The following GINS2 variants were observed in gnomAD, a reference collection of about 807,000 sequenced individuals.
GINS2 encodes the protein DNA replication complex GINS protein PSF2.
GINS2 carries 23 observed loss-of-function variants against 21.2 expected under a neutral mutation model. The observed-to-expected ratio is 1.08, with a 90% CI of 0.78 to 1.53. The LOEUF is 1.53. Among genes scored for constraint, GINS2 ranks in the 40% most tolerant of loss-of-function variants. The pLI, the probability that GINS2 is intolerant of heterozygous loss-of-function variation, is 0.00. For missense variants in GINS2, 323 were observed against 233.9 expected (o/e 1.38, Z -2.49); for synonymous variants, 118 against 85.6 (o/e 1.38, Z -2.09).
At chr16:85,678,953 C>G (rs1328360929) in intron 3 of GINS2, among the ~76,000 whole-genome samples, 1 of 152,196 alleles carries the variant, frequency 6.6e-6, no homozygotes, top group Non-Finnish European at 1.5e-5. Context: ...AAGTCAGAAG[C>G]CTCTGTCTCA....
chr16:85,685,216 A>G (rs2053764563), intron 2 of GINS2, among the ~76,000 whole-genome samples: 1 of 152,216 alleles, frequency 6.6e-6, no homozygotes, highest in South Asian at 2.1e-4. Flanking sequence ...AAAAAGTTCA[A>G]GGGGAACTCT....
Position 85,685,714 on chromosome 16 carries a change from G to C in GINS2, c.205+1746C>G, listed in dbSNP as rs529612877. On this transcript the variant is annotated intron_variant, in intron 2 of 4. Transcript: ENST00000253462. ...AAACCGTCTCAAAGCAGAGGAACTG[G>C]GGTTTCCCATTATGTTTCAGGACTA... 1.6e-3 allele frequency among the ~76,000 whole-genome samples: 197 copies of C among 124,910 alleles called. 2 individuals are homozygous for C. Among genetic ancestry groups the C allele is most frequent in the African/African-American group, 5.4e-3 (187 of 34,860 alleles). The allele number at this position is 124,910 out of a possible 152,430, so 81.9% of individuals were successfully genotyped here.
rs778159387 is a variant in GINS2, at chr16:85,678,261, A to G, written c.509T>C (p.Leu170Pro). 1.9e-6 allele frequency: 3 copies of G among 1,613,108 alleles called. No homozygotes were observed. Among genetic ancestry groups the G allele is most frequent in the Non-Finnish European group, 2.5e-6 (3 of 1,179,244 alleles). ...CTCCAGAGGCTGGAGGTTCGTGCGG[A>G]GTTTGTACATGTGGTTGAGCGCTTG... ...LTQALNHMYK[L>P]RTNLQPLEST... The change falls in exon 5 of 5, where the codon CTC (leucine) becomes CCC (proline). Residue 170 changes from leucine (L) to proline (P), a missense_variant. Leu to Pro is a moderately conservative substitution (Grantham distance 98). Coordinates refer to ENST00000253462, the MANE Select transcript of GINS2 (RefSeq NM_016095.3).
At chr16:85,681,941 CA>C (rs1441013324) in intron 2 of GINS2, among the ~76,000 whole-genome samples, 8 of 150,058 alleles carry the variant, frequency 5.3e-5, no homozygotes, top group African/African-American at 2.0e-4. Flanking sequence ...ATGTTAGAGT[CA>C]AAAGTTTGAT....
intron 3 of GINS2, 106 bp from the exon 4 acceptor site, chr16:85,678,772 A>T: frequency 9.1e-7 from 1 of 1,095,002 alleles, no homozygotes; most frequent in Non-Finnish European, 1.3e-6. Flanking sequence ...TTCCAGACTC[A>T]GAAAGTCTGT....
intron 4 of GINS2, 26 bp from the exon 5 acceptor site, chr16:85,678,363 G>A (rs955310512): frequency 3.1e-6 from 5 of 1,611,376 alleles, no homozygotes; most frequent in Non-Finnish European, 4.2e-6. Context: ...AGACCAAGTT[G>A]GCCAAGGAGT....
intron 4 of GINS2, 79 bp from the exon 5 acceptor site, chr16:85,678,416 A>G (rs2053703704): frequency 6.4e-7 from 1 of 1,568,910 alleles, no homozygotes; most frequent in African/African-American, 1.4e-5. Flanking sequence ...AATAAAAATA[A>G]GAAACCAATG....
At chr16:85,688,539 C>T (rs985807824) in intron 1 of GINS2, among the ~76,000 whole-genome samples, 12 of 152,200 alleles carry the variant, frequency 7.9e-5, no homozygotes, top group African/African-American at 1.7e-4. Context: ...GAGTGACACT[C>T]CACCTCAAAA....
At chr16:85,686,024 A>G (rs1340142294) in intron 2 of GINS2, among the ~76,000 whole-genome samples, 1 of 148,042 alleles carries the variant, frequency 6.8e-6, no homozygotes, top group African/African-American at 2.5e-5. Context: ...TTTTTTCCCT[A>G]TAATAAGCTA....
intron 3 of GINS2, among the ~76,000 whole-genome samples, chr16:85,680,148 G>A (rs1010879649): frequency 2.0e-4 from 30 of 152,196 alleles, no homozygotes; most frequent in African/African-American, 6.3e-4. Flanking sequence ...CATCTCTCCC[G>A]CACCACACCA....
intron 2 of GINS2, among the ~76,000 whole-genome samples, chr16:85,682,080 G>A (rs925629927): frequency 1.6e-5 from 2 of 125,562 alleles, no homozygotes; most frequent in Admixed American, 9.5e-5. Flanking sequence ...AGACTGGAGT[G>A]CAGTGGCACC....
intron 2 of GINS2, 82 bp downstream of exon 2, chr16:85,687,378 C>G (rs931048643): frequency 2.3e-5 from 16 of 710,086 alleles, no homozygotes; most frequent in Non-Finnish European, 3.7e-5. Flanking sequence ...GAAGGAGGCC[C>G]CATGCCTCCA....
intron 1 of GINS2, among the ~76,000 whole-genome samples, chr16:85,688,538 T>G (rs1043361766): frequency 2.0e-5 from 3 of 152,022 alleles, no homozygotes; most frequent in African/African-American, 7.3e-5. Flanking sequence ...AGAGTGACAC[T>G]CCACCTCAAA....
rs771076896 is a variant in GINS2, at chr16:85,678,655, T to G, written c.317A>C (p.Asn106Thr). The change falls in exon 4 of 5, where the codon AAC becomes ACC. Residue 106 changes from asparagine to threonine, a missense_variant. By Grantham distance (65) the Asn-to-Thr change is moderately conservative. Coordinates refer to ENST00000253462, the MANE Select transcript of GINS2 (RefSeq NM_016095.3). ...TKLLLNHASDNIPKADEIRTL... is the reference protein window; with the variant it reads ...TKLLLNHASDTIPKADEIRTL... The stretch of plus-strand genomic sequence containing the variant: ...CCGGATTTCGTCTGCCTTCGGGATG[T>G]TGTCTGAAGCACTAAAGGAGCAAGG... The G allele has an allele frequency of 6.2e-7, 1 of 1,613,728 alleles. No individual in the cohort carries two copies. The highest frequency in any genetic ancestry group is 2.2e-5 in the East Asian group (1 of 44,888).
chr16:85,681,492 C>A, intron 3 of GINS2, 90 bp downstream of exon 3: 1 of 760,774 alleles, frequency 1.3e-6, no homozygotes, highest in Admixed American at 2.5e-5. Context: ...AGGCAATAAG[C>A]AGGGAAGCGG....
At chr16:85,678,414 T>C in intron 4 of GINS2, 77 bp from the exon 5 acceptor site, 2 of 1,571,132 alleles carry the variant, frequency 1.3e-6, no homozygotes, top group South Asian at 2.2e-5. Context: ...TGAATAAAAA[T>C]AAGAAACCAA....
intron 2 of GINS2, among the ~76,000 whole-genome samples, chr16:85,686,244 C>G (rs2053776265): frequency 6.6e-6 from 1 of 152,074 alleles, no homozygotes; most frequent in African/African-American, 2.4e-5. Flanking sequence ...GAAACCCAGT[C>G]TCTACTAAAA....
At chr16:85,687,361 T>G in intron 2 of GINS2, 99 bp downstream of exon 2, 2 of 615,570 alleles carry the variant, frequency 3.2e-6, no homozygotes, top group Non-Finnish European at 5.8e-6. Context: ...AGCACGGACC[T>G]AGTCAGGAAG....
intron 2 of GINS2, among the ~76,000 whole-genome samples, chr16:85,683,802 C>T (rs2053753316): frequency 6.6e-6 from 1 of 152,224 alleles, no homozygotes; most frequent in Admixed American, 6.5e-5. Flanking sequence ...TATGAAACAC[C>T]TCTGGTCCAA....
Sources: gnomAD v4.1 joint callset for allele counts (sites outside exome capture counted in the v4.1 genomes callset) on GRCh38, gnomAD v4.1.1 for gene constraint, MANE v1.5 for transcripts, NCBI Gene and HGNC (gene_info 2026-07-23, HGNC 2026-07-21) for gene names.